The following CDH13 variants were observed in gnomAD, a reference collection of about 807,000 sequenced individuals.
CDH13 encodes cadherin-13.
CDH13 carries 24 observed loss-of-function variants against 63.8 expected under a neutral mutation model. That is an observed-to-expected ratio of 0.38 (90% CI 0.27 to 0.53). The LOEUF (loss-of-function observed/expected upper bound fraction) is 0.53, where lower values mean the gene tolerates loss of function less well. Among genes scored for constraint, CDH13 ranks in the 20% least tolerant of loss-of-function variants. The pLI is 0.85. For synonymous variants in CDH13, 503 were observed against 355.3 expected (o/e 1.42, Z -4.67); for missense variants, 1,049 against 903.1 (o/e 1.16, Z -2.07).
chr16:83,274,886 A>G (rs1194167307), intron 5 of CDH13, among the ~76,000 whole-genome samples: 1 of 152,174 alleles, frequency 6.6e-6, no homozygotes, highest in Non-Finnish European at 1.5e-5. Context: ...CCTTCTTAGC[A>G]CACAAAATCC....
rs539477121 is a variant in CDH13, at chr16:83,690,178, A to G, written c.1538+11717A>G. On this transcript the variant is annotated intron_variant, in intron 10 of 13. Transcript: ENST00000567109. ...ACAAGAGCAAAAACTCCGTCTCAAA[A>G]AAAAGAAAAAGAAATCTGTTATCAT... is the stretch of plus-strand genomic sequence containing the variant. 7.4e-4 allele frequency among the ~76,000 whole-genome samples: 112 copies of G among 152,370 alleles called. No individual in the cohort carries two copies. The South Asian group carries it at 0.012, about 17-fold the overall frequency.
intron 1 of CDH13, among the ~76,000 whole-genome samples, chr16:82,699,912 A>T (rs2030781527): frequency 6.6e-6 from 1 of 152,232 alleles, no homozygotes; most frequent in Admixed American, 6.5e-5. Flanking sequence ...CAGTTTTCCG[A>T]AAAAGGAAAA....
rs1448467572 is a variant in CDH13 at position 82,981,414 on chromosome 16, A to C, written c.158-50596A>C. 3.3e-5 allele frequency among the ~76,000 whole-genome samples: 5 copies of C among 152,098 alleles called. No individual in the cohort carries two copies. In the East Asian group the frequency reaches 9.7e-4, roughly 30 times the overall value. The stretch of plus-strand genomic sequence containing the variant: ...TCCTTGACCCCCTCCTTGGAGGGTG[A>C]TGTGGTAAATCAAGTCAGCTCTCTG... On this transcript the variant is annotated intron_variant, in intron 2 of 13. Coordinates refer to ENST00000567109, the MANE Select transcript of CDH13 (RefSeq NM_001257.5).
At chr16:83,082,085 C>G (rs1169928924) in intron 3 of CDH13, among the ~76,000 whole-genome samples, 1 of 152,326 alleles carries the variant, frequency 6.6e-6, no homozygotes, top group Non-Finnish European at 1.5e-5. Context: ...CAGGCCTGAG[C>G]CACTGTGCCC....
chr16:83,670,488 G>A (rs1386635175), intron 8 of CDH13, among the ~76,000 whole-genome samples: 1 of 152,026 alleles, frequency 6.6e-6, no homozygotes, highest in Non-Finnish European at 1.5e-5. Context: ...GTAGGCAGAG[G>A]GTGAAAAAGC....
chr16:82,905,015 C>G (rs545990130), intron 2 of CDH13, among the ~76,000 whole-genome samples: 117 of 152,276 alleles, frequency 7.7e-4, no homozygotes, highest in Non-Finnish European at 1.4e-3. Context: ...TCTAGAGGCT[C>G]TGACTCTAGC....
chr16:82,654,817 G>A (rs1911117995), intron 1 of CDH13, among the ~76,000 whole-genome samples: 1 of 152,004 alleles, frequency 6.6e-6, no homozygotes, highest in South Asian at 2.1e-4. Context: ...ACCACGTGAA[G>A]CAGCTAACAA....
chr16:83,353,218 A>G (rs748115841), intron 6 of CDH13, among the ~76,000 whole-genome samples: 22 of 152,248 alleles, frequency 1.4e-4, no homozygotes, highest in Non-Finnish European at 2.5e-4. Context: ...TGTTAAATCT[A>G]TACAAATAAA....
intron 7 of CDH13, among the ~76,000 whole-genome samples, chr16:83,493,620 G>A (rs931054878): frequency 2.6e-5 from 4 of 152,212 alleles, no homozygotes; most frequent in African/African-American, 9.6e-5. Context: ...GCTACTTAAA[G>A]ACTCCAGAGA....
chr16:83,444,805 T>C lies in CDH13; in HGVS notation c.782-41672T>C, dbSNP rs188257531. Among the ~76,000 whole-genome samples, 3 of 278 alleles carry C rather than the reference T, an allele frequency of 0.011. No individual in the cohort carries two copies. The East Asian group carries it at 0.5, about 46-fold the overall frequency. The allele number at this position is 278 out of a possible 152,430, so 0.2% of individuals were successfully genotyped here. A position where few individuals can be genotyped will look rare whatever the true frequency, so the allele number is the denominator to read the frequency against. ...TAATATTCTGTTCGAAATGAAAATA[T>C]TCTCATGGTTGGTTTTGCCTGAAGG... On this transcript the variant is annotated intron_variant, in intron 6 of 13. Transcript: ENST00000567109.
At chr16:83,617,364 T>A (rs1272855117) in intron 8 of CDH13, among the ~76,000 whole-genome samples, 1 of 152,182 alleles carries the variant, frequency 6.6e-6, no homozygotes, top group Non-Finnish European at 1.5e-5. Flanking sequence ...CTATTATGTA[T>A]GCTATTCTAT....
intron 5 of CDH13, among the ~76,000 whole-genome samples, chr16:83,319,359 G>T (rs1165127413): frequency 6.6e-6 from 1 of 152,114 alleles, no homozygotes; most frequent in African/African-American, 2.4e-5. Context: ...TAGCATTCCG[G>T]TTTTCCTGTT....
intron 2 of CDH13, among the ~76,000 whole-genome samples, chr16:82,869,675 A>G (rs2040276756): frequency 1.3e-5 from 2 of 152,198 alleles, no homozygotes; most frequent in South Asian, 2.1e-4. Flanking sequence ...CCAGAAATCT[A>G]TGCATTTACA....
intron 1 of CDH13, among the ~76,000 whole-genome samples, chr16:82,691,915 C>A (rs1019353707): frequency 6.6e-6 from 1 of 152,016 alleles, no homozygotes; most frequent in Non-Finnish European, 1.5e-5. Flanking sequence ...AGAAAAGCTG[C>A]CAGCAACCTG....
intron 5 of CDH13, among the ~76,000 whole-genome samples, chr16:83,341,807 A>C (rs189820735): frequency 6.6e-6 from 1 of 152,148 alleles, no homozygotes; most frequent in East Asian, 1.9e-4. Flanking sequence ...AATTAGTTCC[A>C]ATTAGTTCCA....
At chr16:82,958,527 A>G (rs1181019742) in intron 2 of CDH13, among the ~76,000 whole-genome samples, 1 of 152,222 alleles carries the variant, frequency 6.6e-6, no homozygotes, top group African/African-American at 2.4e-5. Flanking sequence ...CAAGATGGAA[A>G]ACACAGTCGG....
In CDH13 at chr16:83,061,104, G is replaced by C. The variant is rs146707150; in HGVS notation, c.366+28886G>C. Among the ~76,000 whole-genome samples, 143 of 152,312 alleles carry C rather than the reference G, an allele frequency of 9.4e-4. 2 individuals are homozygous for C. Among genetic ancestry groups the C allele is most frequent in the African/African-American group, 3.2e-3 (133 of 41,550 alleles). On this transcript the variant is annotated intron_variant, in intron 3 of 13. Coordinates refer to ENST00000567109, the MANE Select transcript of CDH13 (RefSeq NM_001257.5). The stretch of plus-strand genomic sequence containing the variant: ...CTCCATTTTACAAAGGAGAAATCTA[G>C]CCTTGGTCTCTCTGATACCACAGTC...
intron 4 of CDH13, among the ~76,000 whole-genome samples, chr16:83,160,392 G>A (rs1300010468): frequency 2.0e-5 from 3 of 152,114 alleles, no homozygotes; most frequent in Non-Finnish European, 2.9e-5. Context: ...TGGTTTTCAA[G>A]CAGGTAGCAA....
chr16:83,542,094 C>A (rs1377672454), intron 7 of CDH13, among the ~76,000 whole-genome samples: 1 of 152,198 alleles, frequency 6.6e-6, no homozygotes, highest in Non-Finnish European at 1.5e-5. Flanking sequence ...AAATGCAGAG[C>A]CTCAGGCCTC....
Sources: allele counts gnomAD v4.1 joint callset (sites outside exome capture counted in the v4.1 genomes callset), GRCh38; gene constraint gnomAD v4.1.1; transcripts MANE v1.5; gene names NCBI Gene and HGNC (gene_info 2026-07-23, HGNC 2026-07-21).